Variants in TAF1B observed in about 807,000 individuals in gnomAD.
The protein encoded by TAF1B is TATA-box binding protein associated factor, RNA polymerase I subunit B, also known as TATA box-binding protein-associated factor RNA polymerase I subunit B.
TAF1B carries 61 observed loss-of-function variants against 83.9 expected under a neutral mutation model. That is an observed-to-expected ratio of 0.73 (90% confidence interval 0.59 to 0.90). The LOEUF (loss-of-function observed/expected upper bound fraction) is 0.90, where lower values mean the gene tolerates loss of function less well. TAF1B is among the 40% of genes least tolerant of loss of function. The pLI is 0.00. For synonymous variants in TAF1B, 221 were observed against 224.6 expected, an observed-to-expected ratio of 0.98 and a Z score of 0.14; for missense variants, 625 against 677.0, an observed-to-expected ratio of 0.92 and a Z score of 0.85.
intron 4 of TAF1B, among the ~76,000 whole-genome samples, chr2:9,852,660 T>A (rs1182737881): frequency 6.6e-6 from 1 of 152,062 alleles, no homozygotes; most frequent in Non-Finnish European, 1.5e-5. Context: ...CCCAGCTAAT[T>A]TTTTCTATTT....
Position 9,914,295 on chromosome 2 carries a change from C to A in TAF1B, c.1271+1046C>A, listed in dbSNP as rs187348855. 6.8e-4 allele frequency among the ~76,000 whole-genome samples: 103 copies of A among 152,204 alleles called. 1 individual carries two copies. In the East Asian group the frequency reaches 0.015, roughly 22 times the overall value. On this transcript the variant is annotated intron_variant, in intron 12 of 14. Coordinates refer to ENST00000263663, the MANE Select transcript of TAF1B (RefSeq NM_005680.3). This position sits in a 1 kb window ranked among gnomAD's most constrained non-coding sequence, Gnocchi z 4.3. ...AGGGGTGGAGGTGAATTTATCCCAA[C>A]AGCCCATGGATTCCCAGGAAACCAG...
intron 6 of TAF1B, among the ~76,000 whole-genome samples, chr2:9,871,236 T>C (rs4669475): frequency 0.24 from 36,784 of 152,030 alleles, 5,030 homozygotes; most frequent in East Asian, 0.31. Flanking sequence ...CCCGCCACCA[T>C]GCCCAGCTAA....
chr2:9,877,597 C>T (rs1428323589), intron 7 of TAF1B, among the ~76,000 whole-genome samples: 1 of 152,070 alleles, frequency 6.6e-6, no homozygotes, highest in African/African-American at 2.4e-5. Flanking sequence ...TCATTTCTAT[C>T]CATTTTCCTC....
chr2:9,895,836 T>TTTA (rs1553289291), intron 8 of TAF1B, among the ~76,000 whole-genome samples: 3 of 133,192 alleles, frequency 2.3e-5, no homozygotes, highest in Non-Finnish European at 3.4e-5. Context: ...TTTTTTTTTT[T>TTTA]AAATAGCTGA....
chr2:9,919,162 A>G, intron 13 of TAF1B, 51 bp downstream of exon 13: 1 of 1,464,746 alleles, frequency 6.8e-7, no homozygotes, highest in South Asian at 1.2e-5. Flanking sequence ...AGTTGTAGAA[A>G]AATTAAATAT....
At chr2:9,850,866 C>T (rs1490247332) in intron 3 of TAF1B, among the ~76,000 whole-genome samples, 3 of 152,176 alleles carry the variant, frequency 2.0e-5, no homozygotes, top group East Asian at 3.8e-4. Context: ...CGTAAGATAC[C>T]TGGCACACAC....
chr2:9,847,433 T>C (rs922111665), intron 2 of TAF1B, among the ~76,000 whole-genome samples: 7 of 152,180 alleles, frequency 4.6e-5, no homozygotes, highest in Non-Finnish European at 7.3e-5. Flanking sequence ...GCGATGGTGA[T>C]GTTGAAATAC....
intron 13 of TAF1B, among the ~76,000 whole-genome samples, 166 bp from the exon 14 acceptor site, chr2:9,919,432 C>T (rs185727868): frequency 5.1e-4 from 77 of 152,294 alleles, no homozygotes; most frequent in African/African-American, 1.8e-3. Flanking sequence ...CCCCCATGCA[C>T]CTCATCCAGT....
intron 5 of TAF1B, among the ~76,000 whole-genome samples, chr2:9,857,619 C>T (rs902733355): frequency 6.6e-6 from 1 of 152,170 alleles, no homozygotes; most frequent in African/African-American, 2.4e-5. Flanking sequence ...AATTTCTAAA[C>T]AAAAGAAGTT....
chr2:9,864,586 T>G (rs534017747), intron 5 of TAF1B, among the ~76,000 whole-genome samples: 10 of 152,326 alleles, frequency 6.6e-5, no homozygotes, highest in African/African-American at 2.4e-4. Context: ...CTAGCTCATT[T>G]TATGAGGCCA....
intron 7 of TAF1B, among the ~76,000 whole-genome samples, chr2:9,880,715 ATC>A (rs1458649137): frequency 6.6e-6 from 1 of 151,940 alleles, no homozygotes; most frequent in Non-Finnish European, 1.5e-5. Flanking sequence ...TCTCTTACTT[ATC>A]TCTGCAGACT....
intron 5 of TAF1B, among the ~76,000 whole-genome samples, chr2:9,864,910 CAAT>C (rs1663917245): frequency 6.6e-6 from 1 of 152,178 alleles, no homozygotes. Flanking sequence ...TAAAAACTCT[CAAT>C]AAATTAGGTA....
In TAF1B at chr2:9,919,724, A is replaced by G. The variant is rs898290034; in HGVS notation, c.1469A>G (p.His490Arg). ...GAGGACACTGATAGAACGTGTTTCC[A>G]TGGACACAGCCTTCAGGGAGTCCTG... ...TEEDTDRTCF[H>R]GHSLQGVLKE... Residue 490 changes from histidine (H) to arginine (R), a missense_variant, in exon 14 of 15, where the codon CAT becomes CGT. Physicochemically the swap from His to Arg is conservative, Grantham distance 29. Transcript: ENST00000263663. 1 of 1,614,208 alleles carries G rather than the reference A, an allele frequency of 6.2e-7. No homozygotes were observed. The highest frequency in any genetic ancestry group is 8.5e-7 in the Non-Finnish European group (1 of 1,180,032).
intron 14 of TAF1B, among the ~76,000 whole-genome samples, chr2:9,926,577 G>A (rs969351870): frequency 1.3e-5 from 2 of 152,104 alleles, no homozygotes; most frequent in African/African-American, 2.4e-5. Context: ...GGTGGCTCAT[G>A]CCTGTAATCT....
intron 5 of TAF1B, 138 bp from the exon 6 acceptor site, chr2:9,868,138 A>C (rs1244148643): frequency 2.1e-5 from 18 of 839,216 alleles, no homozygotes; most frequent in Non-Finnish European, 3.1e-5. Context: ...TTTCAGAAGT[A>C]AAGGGACTTG....
chr2:9,875,851 A>T lies in TAF1B; in HGVS notation c.554-14A>T, dbSNP rs749514745. Reference sequence around the variant, plus strand: ...GTTCACTGGATTTTTAAAAATCTCCATTTATCTCCTAAGAAACGTCTGTCT... The same window carrying T: ...GTTCACTGGATTTTTAAAAATCTCCTTTTATCTCCTAAGAAACGTCTGTCT... On this transcript the variant is annotated splice_polypyrimidine_tract_variant and intron_variant, in intron 6 of 14. Transcript: ENST00000263663. 2.6e-6 allele frequency: 4 copies of T among 1,554,920 alleles called. No homozygotes were observed. The highest frequency in any genetic ancestry group is 3.5e-6 in the Non-Finnish European group (4 of 1,142,382).
chr2:9,926,990 T>G (rs1470925219), intron 14 of TAF1B, among the ~76,000 whole-genome samples: 2 of 150,366 alleles, frequency 1.3e-5, no homozygotes, highest in Non-Finnish European at 2.9e-5. Flanking sequence ...TCATTTACAT[T>G]AGGTATTTCT....
At chr2:9,898,546 C>T (rs1665086959) in intron 8 of TAF1B, among the ~76,000 whole-genome samples, 1 of 152,084 alleles carries the variant, frequency 6.6e-6, no homozygotes, top group Admixed American at 6.6e-5. Context: ...AGAAACTGGT[C>T]TGTGAGTTTA....
chr2:9,868,254 A>T, intron 5 of TAF1B, 22 bp from the exon 6 acceptor site: 1 of 1,611,272 alleles, frequency 6.2e-7, no homozygotes, highest in South Asian at 1.1e-5. Context: ...CAATAATTTT[A>T]TTTATATTGT....
Sources: allele counts gnomAD v4.1 joint callset (sites outside exome capture counted in the v4.1 genomes callset), GRCh38; gene constraint gnomAD v4.1.1; non-coding constraint Gnocchi (gnomAD v3.1); transcripts MANE v1.5; gene names NCBI Gene and HGNC (gene_info 2026-07-23, HGNC 2026-07-21).